Variants in TTBK2 observed in about 807,000 individuals in gnomAD.
The protein encoded by TTBK2 is tau tubulin kinase 2, also known as tau-tubulin kinase 2.
TTBK2 carries 28 observed loss-of-function variants against 110.8 expected under a neutral mutation model. The observed-to-expected ratio is 0.25, with a 90% CI of 0.19 to 0.35. The LOEUF (loss-of-function observed/expected upper bound fraction) is 0.35. Ranked by LOEUF, TTBK2 falls within the 10% of genes least tolerant of loss-of-function variation. TTBK2 has a pLI of 1.00. For synonymous variants in TTBK2, 532 were observed against 527.3 expected, an observed-to-expected ratio of 1.01 and a Z score of -0.12; for missense variants, 1,369 against 1,500.3, an observed-to-expected ratio of 0.91 and a Z score of 1.45.
At chr15:42,779,915 G>A (rs1890106418) in intron 11 of TTBK2, among the ~76,000 whole-genome samples, 1 of 152,064 alleles carries the variant, frequency 6.6e-6, no homozygotes, top group Non-Finnish European at 1.5e-5. Context: ...GGAGGCGGAG[G>A]TTGTAGTGAG....
intron 10 of TTBK2, among the ~76,000 whole-genome samples, chr15:42,786,983 G>A (rs956385679): frequency 2.6e-5 from 4 of 152,200 alleles, no homozygotes; most frequent in Non-Finnish European, 5.9e-5. Flanking sequence ...TATAACTGAA[G>A]CAGATTAAGG....
At chr15:42,877,852 A>T (rs1050530187) in intron 2 of TTBK2, among the ~76,000 whole-genome samples, 2 of 152,106 alleles carry the variant, frequency 1.3e-5, no homozygotes, top group African/African-American at 2.4e-5. Context: ...ATACATACTG[A>T]AGTATACACA....
At chr15:42,809,637 C>A (rs192436398) in intron 9 of TTBK2, among the ~76,000 whole-genome samples, 39 of 152,306 alleles carry the variant, frequency 2.6e-4, no homozygotes, top group African/African-American at 9.1e-4. Context: ...CAAAACAACT[C>A]ACACACAGTG....
At chr15:42,913,370 T>A (rs975266283) in intron 1 of TTBK2, among the ~76,000 whole-genome samples, 12 of 152,052 alleles carry the variant, frequency 7.9e-5, no homozygotes, top group African/African-American at 2.9e-4. Context: ...CTGGGCGTGG[T>A]GGCTCACATC....
At chr15:42,753,667 G>C (rs1221515633) in intron 13 of TTBK2, among the ~76,000 whole-genome samples, 1 of 152,182 alleles carries the variant, frequency 6.6e-6, no homozygotes, top group Non-Finnish European at 1.5e-5. Flanking sequence ...TGGCACTAGT[G>C]ACAGCTACAT....
At chr15:42,909,279 T>C (rs1336229740) in intron 1 of TTBK2, among the ~76,000 whole-genome samples, 1 of 152,242 alleles carries the variant, frequency 6.6e-6, no homozygotes, top group Non-Finnish European at 1.5e-5. Flanking sequence ...TAGCTGGGAA[T>C]ACAAGTGCAC....
intron 13 of TTBK2, 38 bp from the exon 14 acceptor site, chr15:42,753,285 T>A: frequency 6.3e-7 from 1 of 1,578,768 alleles, no homozygotes; most frequent in Middle Eastern, 1.7e-4. Flanking sequence ...TGCAATTATG[T>A]AAAATATCAA....
intron 6 of TTBK2, among the ~76,000 whole-genome samples, chr15:42,826,276 A>G (rs575102939): frequency 1.3e-5 from 2 of 152,202 alleles, no homozygotes; most frequent in East Asian, 3.9e-4. Context: ...TAGATTTATT[A>G]TTAATTTCAT....
chr15:42,859,162 T>A (rs1894058279), intron 3 of TTBK2, among the ~76,000 whole-genome samples: 1 of 152,288 alleles, frequency 6.6e-6, no homozygotes, highest in African/African-American at 2.4e-5. Flanking sequence ...TGGAGTGCAG[T>A]GGCATAATCA....
chr15:42,743,176 C>T lies in TTBK2; in HGVS notation c.*2619G>A, dbSNP rs898452613. ...CGTCTTTGGTTAATTCTTTCCTCTA[C>T]ATGCAAAATAAAATATTCTTAAACG... On this transcript the variant is annotated 3_prime_UTR_variant, in exon 15 of 15. Coordinates refer to ENST00000267890, the MANE Select transcript of TTBK2 (RefSeq NM_173500.4). The T allele has an allele frequency of 6.6e-6, 1 of 152,208 alleles. No homozygotes were observed. Among genetic ancestry groups the T allele is most frequent in the Admixed American group, 6.5e-5 (1 of 15,280 alleles). The allele number at this position is 152,208 out of a possible 1,614,324, so 9.4% of individuals were successfully genotyped here. A position where few individuals can be genotyped will look rare whatever the true frequency, so the allele number is the denominator to read the frequency against.
intron 3 of TTBK2, among the ~76,000 whole-genome samples, chr15:42,841,549 T>C (rs1595972948): frequency 6.6e-6 from 1 of 152,138 alleles, no homozygotes; most frequent in East Asian, 1.9e-4. Context: ...AGGTAGGGCA[T>C]GGATAGAGAT....
chr15:42,840,019 C>CT (rs1893155920), intron 4 of TTBK2, among the ~76,000 whole-genome samples: 1 of 152,098 alleles, frequency 6.6e-6, no homozygotes, highest in African/African-American at 2.4e-5. Context: ...ACAAAACAGA[C>CT]TAAGACAATA....
chr15:42,893,985 C>G (rs1306663478), intron 1 of TTBK2, among the ~76,000 whole-genome samples: 1 of 152,172 alleles, frequency 6.6e-6, no homozygotes, highest in Non-Finnish European at 1.5e-5. Flanking sequence ...CTACCCAAAT[C>G]TCATCTTGTA....
intron 3 of TTBK2, among the ~76,000 whole-genome samples, chr15:42,861,595 T>C (rs186657899): frequency 1.3e-5 from 2 of 152,066 alleles, no homozygotes; most frequent in Admixed American, 6.6e-5. Flanking sequence ...GTTAAAGCAA[T>C]GTTAAGAGGA....
chr15:42,892,348 A>G (rs1329432940), intron 1 of TTBK2, among the ~76,000 whole-genome samples: 1 of 152,160 alleles, frequency 6.6e-6, no homozygotes. Flanking sequence ...ACTAGAGCAG[A>G]GTTAAATAAC....
At chr15:42,805,790 C>T (rs1349991872) in intron 9 of TTBK2, among the ~76,000 whole-genome samples, 2 of 152,110 alleles carry the variant, frequency 1.3e-5, no homozygotes, top group African/African-American at 4.8e-5. Context: ...GCTGTAAAAC[C>T]CCTAAGCCAT....
At position 42,775,391 on chromosome 15, in the gene TTBK2, T is replaced by C; in HGVS notation, c.1742A>G (p.Glu581Gly). The C allele has an allele frequency of 6.2e-7, 1 of 1,614,246 alleles. No homozygotes were observed. Among genetic ancestry groups the C allele is most frequent in the Non-Finnish European group, 8.5e-7 (1 of 1,180,038 alleles). The change falls in exon 13 of 15, where the codon GAG becomes GGG. Residue 581 changes from glutamate to glycine, a missense_variant. Transcript: ENST00000267890. ...GHKTTGSPSD[E>G]EPEVLQVLEA... is the part of the protein sequence containing the mutation. Reference sequence around the variant, plus strand: ...CAGGACTTGAAGTACTTCAGGCTCCTCATCAGAAGGACTTCCAGTTGTTTT... The same window carrying C: ...CAGGACTTGAAGTACTTCAGGCTCCCCATCAGAAGGACTTCCAGTTGTTTT...
At chr15:42,754,434 CGCCCAG>C (rs2061914019) in intron 13 of TTBK2, among the ~76,000 whole-genome samples, 1 of 151,288 alleles carries the variant, frequency 6.6e-6, no homozygotes, top group Non-Finnish European at 1.5e-5. Context: ...CTTGCTCTGT[CGCCCAG>C]GCTGGAGTGC....
intron 9 of TTBK2, chr15:42,800,204 A>T: frequency 2.4e-6 from 1 of 409,942 alleles, no homozygotes; most frequent in Non-Finnish European, 4.7e-6. Flanking sequence ...TTTTATAATG[A>T]CCACATATTA....
Sources: gnomAD v4.1 joint callset for allele counts (sites outside exome capture counted in the v4.1 genomes callset) on GRCh38, gnomAD v4.1.1 for gene constraint, MANE v1.5 for transcripts, NCBI Gene and HGNC (gene_info 2026-07-23, HGNC 2026-07-21) for gene names.